The following COL21A1 variants were observed in gnomAD, a reference collection of about 807,000 sequenced individuals.
COL21A1 encodes the protein collagen alpha-1(XXI) chain.
In COL21A1, 149 loss-of-function variants were observed where a neutral mutation model predicts 137.9. The observed-to-expected ratio is 1.08, with a 90% CI of 0.95 to 1.24. The LOEUF (loss-of-function observed/expected upper bound fraction) is 1.24. COL21A1 is among the 50% of genes most tolerant of loss of function. The pLI is 0.00. For synonymous variants in COL21A1, 456 were observed against 391.5 expected, an observed-to-expected ratio of 1.16 and a Z score of -1.95; for missense variants, 1,167 against 1,158.4, an observed-to-expected ratio of 1.01 and a Z score of -0.11.
At chr6:56,233,010 G>A (rs1291703072) in intron 1 of COL21A1, among the ~76,000 whole-genome samples, 4 of 151,798 alleles carry the variant, frequency 2.6e-5, no homozygotes, top group Non-Finnish European at 5.9e-5. Context: ...TCTGACAGAG[G>A]TAGGTGCCTT....
At chr6:56,238,500 T>C (rs1296438168) in intron 1 of COL21A1, among the ~76,000 whole-genome samples, 1 of 149,376 alleles carries the variant, frequency 6.7e-6, no homozygotes, top group Non-Finnish European at 1.5e-5. Context: ...CACTTGCAGT[T>C]ACAAGCGAGA....
chr6:56,160,879 G>A (rs894080153), intron 9 of COL21A1, among the ~76,000 whole-genome samples: 27 of 152,092 alleles, frequency 1.8e-4, no homozygotes, highest in Non-Finnish European at 3.1e-4. Context: ...GTCCAAATAC[G>A]ACGTTTGTAA....
chr6:56,237,669 A>G (rs1167717938), intron 1 of COL21A1, among the ~76,000 whole-genome samples: 1 of 152,152 alleles, frequency 6.6e-6, no homozygotes, highest in African/African-American at 2.4e-5. Flanking sequence ...TAATGTCATA[A>G]GTCTGGCCAA....
At chr6:56,214,268 G>A (rs1708341114) in intron 1 of COL21A1, among the ~76,000 whole-genome samples, 1 of 151,894 alleles carries the variant, frequency 6.6e-6, no homozygotes, top group Non-Finnish European at 1.5e-5. Flanking sequence ...TTGGCAATTT[G>A]GGCTAATTTC....
chr6:56,111,941 T>C (rs1263523645), intron 16 of COL21A1, among the ~76,000 whole-genome samples: 1 of 151,644 alleles, frequency 6.6e-6, no homozygotes, highest in Non-Finnish European at 1.5e-5. Flanking sequence ...ATTTTAAAAC[T>C]GATACTAAAA....
chr6:56,173,118 G>A (rs112490423), intron 3 of COL21A1, among the ~76,000 whole-genome samples: 2,568 of 152,212 alleles, frequency 0.017, 73 homozygotes, highest in African/African-American at 0.059. Context: ...ATGGTTTAGA[G>A]CTACAGATCC....
At chr6:56,096,353 G>A (rs902961209) in intron 17 of COL21A1, among the ~76,000 whole-genome samples, 1 of 152,082 alleles carries the variant, frequency 6.6e-6, no homozygotes, top group Non-Finnish European at 1.5e-5. Context: ...TTAGTACAAT[G>A]TCTGGCACAA....
At chr6:56,155,359 TC>T (rs1423364087) in intron 10 of COL21A1, among the ~76,000 whole-genome samples, 2 of 152,164 alleles carry the variant, frequency 1.3e-5, no homozygotes, top group East Asian at 3.9e-4. Context: ...TTGTTTTATT[TC>T]TTGTTTTTTA....
chr6:56,274,811 A>G (rs182927342), intron 1 of COL21A1, among the ~76,000 whole-genome samples: 9 of 152,228 alleles, frequency 5.9e-5, no homozygotes, highest in African/African-American at 2.2e-4. Flanking sequence ...CAAATCATAA[A>G]TTTAATGCTA....
At chr6:56,292,195 G>C (rs758666192) in intron 1 of COL21A1, among the ~76,000 whole-genome samples, 2 of 152,014 alleles carry the variant, frequency 1.3e-5, no homozygotes, top group Non-Finnish European at 2.9e-5. Flanking sequence ...AAAATAAAGA[G>C]TATTTTCAAT....
intron 10 of COL21A1, among the ~76,000 whole-genome samples, chr6:56,152,206 C>T (rs1775383006): frequency 6.6e-6 from 1 of 152,124 alleles, no homozygotes; most frequent in Non-Finnish European, 1.5e-5. Flanking sequence ...TGCCATTGTT[C>T]CTGGGCTCAC....
At chr6:56,212,822 G>A (rs538129616) in intron 1 of COL21A1, among the ~76,000 whole-genome samples, 3 of 151,886 alleles carry the variant, frequency 2.0e-5, no homozygotes, top group Non-Finnish European at 4.4e-5. Context: ...TTATATAATA[G>A]TTTATTGGAG....
intron 1 of COL21A1, among the ~76,000 whole-genome samples, chr6:56,266,635 C>T (rs1415349484): frequency 6.6e-6 from 1 of 152,138 alleles, no homozygotes; most frequent in Non-Finnish European, 1.5e-5. Flanking sequence ...TAAGTACATA[C>T]CTTTTCTGGT....
chr6:56,211,492 C>G (rs1780174507), intron 1 of COL21A1, among the ~76,000 whole-genome samples: 1 of 151,866 alleles, frequency 6.6e-6, no homozygotes, highest in African/African-American at 2.4e-5. Flanking sequence ...CAGCATTATT[C>G]TCACAGAGCA....
At position 56,327,532 on chromosome 6, in the gene COL21A1, G is replaced by A. The variant is rs147485545; in HGVS notation, c.-39+66439C>T. Among the ~76,000 whole-genome samples the A allele has an allele frequency of 5.3e-5, 8 of 152,074 alleles. 1 individual carries two copies. Among genetic ancestry groups the A allele is most frequent in the African/African-American group, 1.9e-4 (8 of 41,520 alleles). Reference sequence around the variant, plus strand: ...ATTTTTCCAGATGCCTACATGTGGTGTAGGGGAACATGAAGCAAAAGGAGA... The same window carrying A: ...ATTTTTCCAGATGCCTACATGTGGTATAGGGGAACATGAAGCAAAAGGAGA... On this transcript the variant is annotated intron_variant, in intron 1 of 28. Coordinates refer to the COL21A1 transcript ENST00000370819.
At chr6:56,269,134 A>G (rs1211841130) in intron 1 of COL21A1, among the ~76,000 whole-genome samples, 2 of 152,196 alleles carry the variant, frequency 1.3e-5, no homozygotes, top group East Asian at 3.8e-4. Context: ...ACCTACAACT[A>G]TTGACACTCA....
At chr6:56,255,670 G>C (rs981093600) in intron 1 of COL21A1, among the ~76,000 whole-genome samples, 1 of 152,232 alleles carries the variant, frequency 6.6e-6, no homozygotes, top group Admixed American at 6.5e-5. Context: ...AGGATGCCAA[G>C]TTATTAAAAC....
At chr6:56,345,419 C>T (rs1184917806) in intron 1 of COL21A1, among the ~76,000 whole-genome samples, 1 of 152,100 alleles carries the variant, frequency 6.6e-6, no homozygotes, top group Admixed American at 6.5e-5. Context: ...ACTATCTGTA[C>T]AAGAATTATC....
chr6:56,137,018 A>G (rs1304745256), intron 12 of COL21A1, among the ~76,000 whole-genome samples: 4 of 152,128 alleles, frequency 2.6e-5, no homozygotes, highest in African/African-American at 4.8e-5. Flanking sequence ...ACACAGTGAA[A>G]AACTACTCTG....
Sources: allele counts gnomAD v4.1 joint callset (sites outside exome capture counted in the v4.1 genomes callset), GRCh38; gene constraint gnomAD v4.1.1; transcripts MANE v1.5; gene names NCBI Gene and HGNC (gene_info 2026-07-23, HGNC 2026-07-21).